Variants in TDRP observed in about 807,000 individuals in gnomAD.
TDRP encodes testis development related protein.
Under a neutral mutation model 10.5 loss-of-function variants are expected in TDRP, and 12 were observed. That is an observed-to-expected ratio of 1.15 (90% CI 0.73 to 1.86). TDRP has a LOEUF of 1.86. TDRP is among the 40% of genes most tolerant of loss of function. TDRP has a pLI of 0.00. For synonymous variants in TDRP, 139 were observed against 95.4 expected (o/e 1.46, Z -2.67); for missense variants, 353 against 229.2 (o/e 1.54, Z -3.49).
intron 1 of TDRP, among the ~76,000 whole-genome samples, chr8:495,472 T>C (rs1355337743): frequency 6.6e-6 from 1 of 152,194 alleles, no homozygotes; most frequent in Non-Finnish European, 1.5e-5. Flanking sequence ...TACAATTTTT[T>C]CATTTCTGAC....
At chr8:542,498 A>T (rs1214239968) in intron 1 of TDRP, among the ~76,000 whole-genome samples, 3 of 152,118 alleles carry the variant, frequency 2.0e-5, no homozygotes, top group Non-Finnish European at 2.9e-5. Flanking sequence ...TTTGCTGGGC[A>T]CCTAAAACTG....
chr8:516,752 C>G (rs960748260), intron 1 of TDRP, among the ~76,000 whole-genome samples: 2 of 152,258 alleles, frequency 1.3e-5, no homozygotes, highest in East Asian at 1.9e-4. Context: ...TTCTATTTAT[C>G]CAAATGACTT....
chr8:533,976 T>C (rs1442276858), intron 1 of TDRP, among the ~76,000 whole-genome samples: 1 of 152,216 alleles, frequency 6.6e-6, no homozygotes, highest in Non-Finnish European at 1.5e-5. Context: ...TATTGAAAAT[T>C]GAGCCAAAAC....
At chr8:518,972 G>T (rs1002854455) in intron 1 of TDRP, among the ~76,000 whole-genome samples, 4 of 152,300 alleles carry the variant, frequency 2.6e-5, no homozygotes, top group African/African-American at 9.6e-5. Context: ...CAGGAGGCTG[G>T]TAGAGCTTCA....
intron 1 of TDRP, among the ~76,000 whole-genome samples, chr8:505,502 G>C (rs1156742071): frequency 6.6e-6 from 1 of 152,204 alleles, no homozygotes; most frequent in Non-Finnish European, 1.5e-5. Flanking sequence ...CCGAAATCCA[G>C]ACTGCAGGTG....
At chr8:497,354 A>T (rs1173683561) in intron 1 of TDRP, among the ~76,000 whole-genome samples, 1 of 152,234 alleles carries the variant, frequency 6.6e-6, no homozygotes, top group East Asian at 1.9e-4. Context: ...GCCTTAGCAA[A>T]GAGACTGGTG....
rs779402528 is a variant in TDRP at position 494,549 on chromosome 8, T to G, written c.157A>C (p.Asn53His). Residue 53 changes from asparagine to histidine, a missense_variant, in exon 2 of 3, where the codon AAC becomes CAC. Transcript: ENST00000324079. ...RGWKEVTSLF[N>H]KDDEQHLLER... ...AGGAGATGCTGCTCATCATCTTTGT[T>G]AAACAGTGAAGTCACTTCTTTCCAA... 1 of 1,614,014 alleles carries G rather than the reference T, an allele frequency of 6.2e-7. No homozygotes were observed. The highest frequency in any genetic ancestry group is 1.1e-5 in the South Asian group (1 of 91,076).
At chr8:499,579 T>C (rs564769456) in intron 1 of TDRP, among the ~76,000 whole-genome samples, 7 of 152,268 alleles carry the variant, frequency 4.6e-5, no homozygotes, top group African/African-American at 1.4e-4. Context: ...GGTGAGCAAT[T>C]AGAAGAGGTT....
At chr8:524,633 C>G (rs928181833) in intron 1 of TDRP, among the ~76,000 whole-genome samples, 14 of 152,056 alleles carry the variant, frequency 9.2e-5, no homozygotes, top group African/African-American at 3.1e-4. Context: ...AGCAGAAATT[C>G]TGAAAAATTT....
chr8:505,509 G>A (rs1801435493), intron 1 of TDRP, among the ~76,000 whole-genome samples: 2 of 152,204 alleles, frequency 1.3e-5, no homozygotes, highest in African/African-American at 4.8e-5. Flanking sequence ...CCAGACTGCA[G>A]GTGCAGGAAG....
chr8:536,020 A>C (rs7837485), intron 1 of TDRP, among the ~76,000 whole-genome samples: 10,366 of 152,296 alleles, frequency 0.068, 618 homozygotes, highest in African/African-American at 0.15. Context: ...ATGCCACCTT[A>C]AGCCCTAGCA....
chr8:508,597 C>A (rs371502322), intron 1 of TDRP, among the ~76,000 whole-genome samples: 1 of 152,292 alleles, frequency 6.6e-6, no homozygotes, highest in African/African-American at 2.4e-5. Flanking sequence ...CCCCAGGATC[C>A]AATCACCTCT....
At chr8:525,225 T>G (rs1802005997) in intron 1 of TDRP, among the ~76,000 whole-genome samples, 1 of 152,140 alleles carries the variant, frequency 6.6e-6, no homozygotes, top group African/African-American at 2.4e-5. Flanking sequence ...AAAATGTCCT[T>G]CAAGCATGAA....
intron 1 of TDRP, among the ~76,000 whole-genome samples, chr8:516,106 A>C (rs995410855): frequency 6.6e-6 from 1 of 152,224 alleles, no homozygotes; most frequent in African/African-American, 2.4e-5. Flanking sequence ...ACATTAAAAA[A>C]ATATATAATT....
At chr8:532,998 A>T (rs1802247179) in intron 1 of TDRP, among the ~76,000 whole-genome samples, 1 of 152,166 alleles carries the variant, frequency 6.6e-6, no homozygotes, top group Non-Finnish European at 1.5e-5. Context: ...TACTTAAAAC[A>T]GGAAGTCTGG....
At chr8:521,533 G>A (rs547936766) in intron 1 of TDRP, among the ~76,000 whole-genome samples, 1 of 152,308 alleles carries the variant, frequency 6.6e-6, no homozygotes, top group South Asian at 2.1e-4. Flanking sequence ...CCCTGTTTAA[G>A]ATCATGTGAC....
At chr8:525,713 T>C (rs1802018001) in intron 1 of TDRP, among the ~76,000 whole-genome samples, 1 of 151,732 alleles carries the variant, frequency 6.6e-6, no homozygotes, top group Non-Finnish European at 1.5e-5. Context: ...TAAAAAGAAA[T>C]TAAAACATAC....
chr8:512,529 C>A (rs1030396616), intron 1 of TDRP, among the ~76,000 whole-genome samples: 1 of 151,742 alleles, frequency 6.6e-6, no homozygotes, highest in African/African-American at 2.4e-5. Flanking sequence ...AAAGAGGAGA[C>A]ATTTCTATTG....
At position 494,479 on chromosome 8, in the gene TDRP, A is replaced by T; in HGVS notation, c.212+15T>A. The T allele has an allele frequency of 1.2e-6, 2 of 1,609,150 alleles. No individual in the cohort carries two copies. The highest frequency in any genetic ancestry group is 3.3e-4 in the Middle Eastern group (2 of 6,056). On this transcript the variant is annotated intron_variant, in intron 2 of 2. Coordinates refer to ENST00000324079, the MANE Select transcript of TDRP (RefSeq NM_001384899.1). ...TCTCCTGAAATGATCATTTTCTTAC[A>T]CAGTTATGACTTACCCTTTGGACTT...
Sources: gnomAD v4.1 joint callset for allele counts (sites outside exome capture counted in the v4.1 genomes callset) on GRCh38, gnomAD v4.1.1 for gene constraint, MANE v1.5 for transcripts, NCBI Gene and HGNC (gene_info 2026-07-23, HGNC 2026-07-21) for gene names.